MYO10: variants seen among roughly 807,000 people sequenced by gnomAD.
MYO10 encodes myosin X.
In MYO10, 133 loss-of-function variants were observed where a neutral mutation model predicts 257.3. That is an observed-to-expected ratio of 0.52 (90% CI 0.45 to 0.60). The LOEUF (loss-of-function observed/expected upper bound fraction) is 0.60, where lower values mean the gene tolerates loss of function less well. Ranked by LOEUF, MYO10 falls within the 20% of genes least tolerant of loss-of-function variation. MYO10 has a pLI of 0.00. For missense variants in MYO10, 2,399 were observed against 2,635.7 expected (o/e 0.91, Z 1.97); for synonymous variants, 1,104 against 1,028.6 (o/e 1.07, Z -1.40).
chr5:16,731,246 T>C lies in MYO10; in HGVS notation c.1930-20001A>G, dbSNP rs182525727. On this transcript the variant is annotated intron_variant, in intron 19 of 40. Coordinates refer to ENST00000513610, the MANE Select transcript of MYO10 (RefSeq NM_012334.3). The stretch of plus-strand genomic sequence containing the variant: ...TTTTAGTAGAGATGGGAGTTCACCA[T>C]CTTGGCCAGGCTGGTCTTGAACTCC... Among the ~76,000 whole-genome samples the C allele has an allele frequency of 2.7e-4, 41 of 152,000 alleles. No individual in the cohort carries two copies. In the East Asian group the frequency reaches 6.8e-3, roughly 25 times the overall value.
At chr5:16,806,909 G>T (rs1035196261) in intron 3 of MYO10, among the ~76,000 whole-genome samples, 1 of 152,150 alleles carries the variant, frequency 6.6e-6, no homozygotes, top group African/African-American at 2.4e-5. Context: ...CCACATGACC[G>T]CTATGTGCTA....
intron 19 of MYO10, among the ~76,000 whole-genome samples, chr5:16,729,392 A>G (rs1015932971): frequency 5.3e-5 from 8 of 152,078 alleles, no homozygotes; most frequent in African/African-American, 1.9e-4. Flanking sequence ...TAAAATCCAA[A>G]TATTTTTGTA....
intron 33 of MYO10, among the ~76,000 whole-genome samples, chr5:16,677,887 A>C (rs1040500685): frequency 1.3e-5 from 2 of 151,834 alleles, no homozygotes; most frequent in African/African-American, 2.4e-5. Context: ...CAGCCTCCCA[A>C]GTAGCTGGGA....
At chr5:16,889,519 GAA>G (rs1744988847) in intron 1 of MYO10, among the ~76,000 whole-genome samples, 3 of 140,854 alleles carry the variant, frequency 2.1e-5, no homozygotes, top group Admixed American at 6.9e-5. Context: ...AGGAAGGAAG[GAA>G]GGAAGGAAGG....
At chr5:16,840,427 ATG>A (rs879442760) in intron 2 of MYO10, among the ~76,000 whole-genome samples, 21,569 of 151,668 alleles carry the variant, frequency 0.14, 1,831 homozygotes, top group East Asian at 0.28. Flanking sequence ...GAATGAATGA[ATG>A]AATGAATGAA....
In MYO10 at chr5:16,880,358, T is replaced by C. The variant is rs1580108569; in HGVS notation, c.22-2651A>G. Among the ~76,000 whole-genome samples the C allele has an allele frequency of 2.0e-5, 3 of 152,066 alleles. No homozygotes were observed. The Middle Eastern group carries it at 0.01, about 517-fold the overall frequency. ...ATCACAGTGGCTGGAGATCCCAATA[T>C]TGAGGTGGAACAGACTCCTTTCCCC... On this transcript the variant is annotated intron_variant, in intron 1 of 40. Transcript: ENST00000513610.
chr5:16,771,553 A>ATTAT (rs1741050609), intron 9 of MYO10, among the ~76,000 whole-genome samples: 1 of 50,644 alleles, frequency 2.0e-5, no homozygotes, highest in South Asian at 4.1e-4. Flanking sequence ...ATGATTTATT[A>ATTAT]TTATTATTAT....
At chr5:16,736,115 A>G (rs978765910) in intron 19 of MYO10, among the ~76,000 whole-genome samples, 2 of 152,212 alleles carry the variant, frequency 1.3e-5, no homozygotes, top group African/African-American at 4.8e-5. Flanking sequence ...GCCAGTTGCT[A>G]TAGAGTCTTT....
intron 1 of MYO10, among the ~76,000 whole-genome samples, chr5:16,886,955 CA>C (rs1744914760): frequency 7.1e-6 from 1 of 141,686 alleles, no homozygotes; most frequent in Non-Finnish European, 1.6e-5. Flanking sequence ...AAAAACAAAG[CA>C]AAAACAAAAA....
At chr5:16,689,263 T>G (rs4994921) in intron 28 of MYO10, among the ~76,000 whole-genome samples, 1 of 152,212 alleles carries the variant, frequency 6.6e-6, no homozygotes. Context: ...TACTTAGGTA[T>G]GAAACATTTA....
chr5:16,721,851 A>C (rs983959728), intron 19 of MYO10, among the ~76,000 whole-genome samples: 5 of 152,236 alleles, frequency 3.3e-5, no homozygotes, highest in Admixed American at 3.3e-4. Context: ...TCTAAGGGAT[A>C]GCTCTGGTTG....
chr5:16,821,436 CTATTT>C lies in MYO10; in HGVS notation c.121-3274_121-3270del, dbSNP rs1742806367. On this transcript the variant is annotated intron_variant, in intron 2 of 40. Coordinates refer to ENST00000513610, the MANE Select transcript of MYO10 (RefSeq NM_012334.3). ...TTCATACATTTGACTTCCTTTCCTC[CTATTT>C]TCTTTTTTTTTTTTTTTTTTTTTTT... 3.5e-5 allele frequency among the ~76,000 whole-genome samples: 4 copies of C among 114,164 alleles called. No homozygotes were observed. In the South Asian group the frequency reaches 1.1e-3, roughly 32 times the overall value. The allele number at this position is 114,164 out of a possible 152,430, so 74.9% of individuals were successfully genotyped here.
At chr5:16,860,180 A>C (rs1240539481) in intron 2 of MYO10, among the ~76,000 whole-genome samples, 1 of 152,158 alleles carries the variant, frequency 6.6e-6, no homozygotes, top group Admixed American at 6.5e-5. Flanking sequence ...GCCATAAGAA[A>C]GGGGGAGAAA....
intron 1 of MYO10, chr5:16,916,282 T>C (rs1745814376): frequency 2.7e-6 from 1 of 375,330 alleles, no homozygotes; most frequent in Admixed American, 3.3e-5. Context: ...AAATTAAATA[T>C]CCCATTCGGA....
At chr5:16,694,739 A>C in intron 26 of MYO10, 125 bp from the exon 27 acceptor site, 1 of 1,269,926 alleles carries the variant, frequency 7.9e-7, no homozygotes, top group Admixed American at 1.9e-5. Context: ...GCAGCACCGC[A>C]GAGACCCCTC....
chr5:16,920,798 C>A (rs1444568289), intron 1 of MYO10, among the ~76,000 whole-genome samples: 1 of 152,176 alleles, frequency 6.6e-6, no homozygotes, highest in Non-Finnish European at 1.5e-5. Context: ...TGGGTGACTT[C>A]TGAATCTAGA....
intron 17 of MYO10, among the ~76,000 whole-genome samples, 182 bp downstream of exon 17, chr5:16,761,282 T>C (rs1006704898): frequency 1.3e-5 from 2 of 152,202 alleles, no homozygotes; most frequent in Non-Finnish European, 2.9e-5. Context: ...TGAGCCACCA[T>C]GCCCGACCTT....
intron 2 of MYO10, among the ~76,000 whole-genome samples, chr5:16,818,474 T>C (rs1409407367): frequency 6.6e-6 from 1 of 151,282 alleles, no homozygotes; most frequent in East Asian, 1.9e-4. Context: ...TTTCACTCTG[T>C]TACTCAGGCT....
chr5:16,817,153 A>G (rs1742648684), intron 3 of MYO10, among the ~76,000 whole-genome samples: 2 of 152,232 alleles, frequency 1.3e-5, no homozygotes, highest in Non-Finnish European at 2.9e-5. Flanking sequence ...TCACAAACAT[A>G]TTGGCAAAGA....
Sources: allele counts gnomAD v4.1 joint callset (sites outside exome capture counted in the v4.1 genomes callset), GRCh38; gene constraint gnomAD v4.1.1; transcripts MANE v1.5; gene names NCBI Gene and HGNC (gene_info 2026-07-23, HGNC 2026-07-21).